The following CSMD1 variants were observed in gnomAD, a reference collection of about 807,000 sequenced individuals.
CSMD1 encodes the protein CUB and Sushi multiple domains 1.
A neutral mutation model predicts 417.5 loss-of-function variants in CSMD1; 213 were observed. The observed-to-expected ratio is 0.51, with a 90% CI of 0.46 to 0.57. The LOEUF (loss-of-function observed/expected upper bound fraction) is 0.57. Ranked by LOEUF, CSMD1 falls within the 20% of genes least tolerant of loss-of-function variation. The pLI is 0.00. For missense variants in CSMD1, 6,923 were observed against 4,529.7 expected (o/e 1.53, Z -15.17); for synonymous variants, 2,862 against 1,736.8 (o/e 1.65, Z -16.11).
intron 3 of CSMD1, among the ~76,000 whole-genome samples, chr8:4,069,338 T>C (rs1375161273): frequency 6.6e-6 from 1 of 152,232 alleles, no homozygotes; most frequent in Non-Finnish European, 1.5e-5. Context: ...ATTCCAACTC[T>C]TATCTACAGG....
At chr8:4,252,871 G>A (rs979303156) in intron 3 of CSMD1, among the ~76,000 whole-genome samples, 1 of 152,204 alleles carries the variant, frequency 6.6e-6, no homozygotes, top group Non-Finnish European at 1.5e-5. Flanking sequence ...ATGAGTGAAA[G>A]GCAAAGAGAA....
At chr8:3,889,287 T>G (rs1293091424) in intron 5 of CSMD1, among the ~76,000 whole-genome samples, 1 of 151,398 alleles carries the variant, frequency 6.6e-6, no homozygotes, top group African/African-American at 2.4e-5. Flanking sequence ...GCCATTGCCT[T>G]TTTTTTCAGA....
At chr8:4,507,412 T>G (rs931277661) in intron 2 of CSMD1, among the ~76,000 whole-genome samples, 7 of 152,218 alleles carry the variant, frequency 4.6e-5, no homozygotes, top group Non-Finnish European at 7.3e-5. Flanking sequence ...ATATTTGTTC[T>G]GCTCACATTA....
chr8:4,590,049 T>C (rs1174883536), intron 2 of CSMD1, among the ~76,000 whole-genome samples: 2 of 152,192 alleles, frequency 1.3e-5, no homozygotes, highest in Non-Finnish European at 2.9e-5. Flanking sequence ...CAATATTACA[T>C]TTATTTATTT....
At chr8:3,722,203 G>C (rs1585133042) in intron 6 of CSMD1, among the ~76,000 whole-genome samples, 1 of 152,094 alleles carries the variant, frequency 6.6e-6, no homozygotes, top group South Asian at 2.1e-4. Context: ...CACCTACTCG[G>C]GAGGCTGAGG....
chr8:4,254,461 T>C (rs376188861), intron 3 of CSMD1, among the ~76,000 whole-genome samples: 28 of 152,268 alleles, frequency 1.8e-4, no homozygotes, highest in East Asian at 5.8e-4. Context: ...CTAAGCGACA[T>C]TGCAGCTGTC....
chr8:3,036,644 C>A (rs767328178), intron 50 of CSMD1, among the ~76,000 whole-genome samples: 5 of 152,048 alleles, frequency 3.3e-5, no homozygotes, highest in Admixed American at 3.3e-4. Flanking sequence ...ACCTTAGAAG[C>A]CTAAATAACA....
At chr8:3,619,938 C>A (rs971492596) in intron 7 of CSMD1, among the ~76,000 whole-genome samples, 11 of 152,010 alleles carry the variant, frequency 7.2e-5, no homozygotes, top group African/African-American at 2.7e-4. Flanking sequence ...CCCATTTCTA[C>A]TAAAAATATA....
chr8:3,290,617 C>G (rs903330444), intron 25 of CSMD1, among the ~76,000 whole-genome samples: 1 of 147,040 alleles, frequency 6.8e-6, no homozygotes, highest in Non-Finnish European at 1.5e-5. Context: ...CATGATTTGG[C>G]TCTCTGTTTG....
At chr8:3,803,541 G>T (rs1242275492) in intron 5 of CSMD1, among the ~76,000 whole-genome samples, 1 of 152,278 alleles carries the variant, frequency 6.6e-6, no homozygotes, top group South Asian at 2.1e-4. Context: ...CAGGACAGAG[G>T]TACGCAGGAG....
intron 2 of CSMD1, among the ~76,000 whole-genome samples, chr8:4,564,108 G>C (rs1407344250): frequency 6.6e-6 from 1 of 152,094 alleles, no homozygotes. Flanking sequence ...TGAGATAATG[G>C]TCTTCCAATA....
intron 1 of CSMD1, among the ~76,000 whole-genome samples, chr8:4,970,198 C>T (rs1810151441): frequency 6.6e-6 from 1 of 151,854 alleles, no homozygotes; most frequent in African/African-American, 2.4e-5. Context: ...TGACTTCAGA[C>T]TCGAATCTTG....
chr8:3,333,039 G>A (rs1289243340), intron 23 of CSMD1, among the ~76,000 whole-genome samples: 1 of 152,194 alleles, frequency 6.6e-6, no homozygotes, highest in Non-Finnish European at 1.5e-5. Context: ...GGAGAAGCCA[G>A]CAAGGACACG....
chr8:4,208,881 G>C lies in CSMD1; in HGVS notation c.416-176782C>G, dbSNP rs114713674. 5.3e-5 allele frequency among the ~76,000 whole-genome samples: 8 copies of C among 152,258 alleles called. No individual in the cohort carries two copies. The South Asian group carries it at 6.2e-4, about 12-fold the overall frequency. ...GTATCCATTCAAAATACCAGGGAGTGTGAGATTTTCTTAAATTTCTTTTTA... is the reference window on the plus strand; with the variant it reads ...GTATCCATTCAAAATACCAGGGAGTCTGAGATTTTCTTAAATTTCTTTTTA... On this transcript the variant is annotated intron_variant, in intron 3 of 69. Transcript: ENST00000635120.
At position 3,493,677 on chromosome 8, in the gene CSMD1, G is replaced by T. The variant is rs565259762; in HGVS notation, c.1394C>A (p.Thr465Asn). 5 of 1,612,286 alleles carry T rather than the reference G, an allele frequency of 3.1e-6. No homozygotes were observed. Among genetic ancestry groups the T allele is most frequent in the Non-Finnish European group, 8.5e-7 (1 of 1,179,342 alleles). Residue 465 changes from threonine to asparagine, a missense_variant, in exon 11 of 70, where the codon ACC becomes AAC. Thr to Asn is a moderately conservative substitution (Grantham distance 65). Transcript: ENST00000635120. Reference sequence around the variant, plus strand: ...CTTCCCAGCATCACCAACCGTCAGGGTGTCATAGCCTCGCTCCAGCTCAAA... The same window carrying T: ...CTTCCCAGCATCACCAACCGTCAGGTTGTCATAGCCTCGCTCCAGCTCAAA... ...EEFELERGYDTLTVGDAGKVG... is the reference protein window; with the variant it reads ...EEFELERGYDNLTVGDAGKVG...
intron 1 of CSMD1, among the ~76,000 whole-genome samples, chr8:4,799,885 C>T (rs542490318): frequency 6.6e-6 from 1 of 152,196 alleles, no homozygotes; most frequent in South Asian, 2.1e-4. Context: ...AAACATTCAA[C>T]AGACCTGGAC....
chr8:3,851,200 C>A (rs1803883296), intron 5 of CSMD1, among the ~76,000 whole-genome samples: 1 of 152,188 alleles, frequency 6.6e-6, no homozygotes, highest in Non-Finnish European at 1.5e-5. Flanking sequence ...TGAGCCTGCT[C>A]ATTATGCTAG....
chr8:4,614,237 T>C (rs544645660), intron 2 of CSMD1, among the ~76,000 whole-genome samples: 9 of 152,282 alleles, frequency 5.9e-5, no homozygotes, highest in Admixed American at 2.0e-4. Context: ...ATTGAGGAGA[T>C]GGACCCAAGA....
intron 5 of CSMD1, among the ~76,000 whole-genome samples, chr8:3,768,290 G>A (rs13270939): frequency 0.13 from 19,587 of 152,148 alleles, 1,499 homozygotes; most frequent in Middle Eastern, 0.2. Flanking sequence ...TGAGCTAGGT[G>A]GTTGGTTCAC....
Sources: allele counts gnomAD v4.1 joint callset (sites outside exome capture counted in the v4.1 genomes callset), GRCh38; gene constraint gnomAD v4.1.1; transcripts MANE v1.5; gene names NCBI Gene and HGNC (gene_info 2026-07-23, HGNC 2026-07-21).